KIF1A: variants seen among roughly 807,000 people sequenced by gnomAD.
The protein encoded by KIF1A is kinesin-like protein KIF1A.
In KIF1A, 46 loss-of-function variants were observed where a neutral mutation model predicts 227.3. The observed-to-expected ratio is 0.20, with a 90% CI of 0.16 to 0.26. The LOEUF is 0.26. Ranked by LOEUF, KIF1A falls within the 10% of genes least tolerant of loss-of-function variation. The pLI is 1.00. For synonymous variants in KIF1A, 1,022 were observed against 1,012.8 expected, an observed-to-expected ratio of 1.01 and a Z score of -0.17; for missense variants, 1,683 against 2,485.9, an observed-to-expected ratio of 0.68 and a Z score of 6.87.
Position 240,766,682 on chromosome 2 carries a change from G to A in KIF1A, c.1684+233C>T, listed in dbSNP as rs761550426. On this transcript the variant is annotated intron_variant, in intron 19 of 48. Transcript: ENST00000498729. This position sits in a 1 kb window ranked among gnomAD's most constrained non-coding sequence, Gnocchi z 5.0. Reference sequence around the variant, plus strand: ...CCCAAGCACCAACCTAATGGAAGTTGTTTTTAAGGCTGGCCCCAAATATCT... The same window carrying A: ...CCCAAGCACCAACCTAATGGAAGTTATTTTTAAGGCTGGCCCCAAATATCT... Among the ~76,000 whole-genome samples, 3 of 149,932 alleles carry A rather than the reference G, an allele frequency of 2.0e-5. No individual in the cohort carries two copies. The highest frequency in any genetic ancestry group is 6.7e-5 in the Admixed American group (1 of 15,004).
intron 38 of KIF1A, among the ~76,000 whole-genome samples, chr2:240,730,651 G>A (rs1278658977): frequency 6.6e-6 from 1 of 152,206 alleles, no homozygotes; most frequent in African/African-American, 2.4e-5. Context: ...ATCCCAGCAG[G>A]AGACTTGATC....
intron 2 of KIF1A, among the ~76,000 whole-genome samples, chr2:240,794,428 G>T (rs1015694603): frequency 6.6e-6 from 1 of 152,176 alleles, no homozygotes; most frequent in African/African-American, 2.4e-5. Flanking sequence ...GTGCCCATCT[G>T]CCCTTTACCC....
chr2:240,773,758 C>T (rs2052337776), intron 12 of KIF1A, among the ~76,000 whole-genome samples: 2 of 152,188 alleles, frequency 1.3e-5, no homozygotes, highest in Admixed American at 6.5e-5. Context: ...AGACCACTGA[C>T]CCAAACAACC....
At chr2:240,771,732 A>G (rs2052020696) in intron 14 of KIF1A, among the ~76,000 whole-genome samples, 2 of 152,070 alleles carry the variant, frequency 1.3e-5, no homozygotes, top group African/African-American at 4.8e-5. Context: ...GCCCACTGAC[A>G]TGGAAATTGG....
In KIF1A at chr2:240,810,481, G is replaced by A. The variant is rs141821324; in HGVS notation, c.-61+9641C>T. 5.5e-3 allele frequency among the ~76,000 whole-genome samples: 833 copies of A among 152,280 alleles called. 9 individuals are homozygous for A. The highest frequency in any genetic ancestry group is 0.019 in the African/African-American group (786 of 41,536). On this transcript the variant is annotated intron_variant, in intron 1 of 48. Transcript: ENST00000498729. ...TTTACAGCTCACCTTGGGAGTGAAC[G>A]GGTGCCACCACTTTGAAAATAACAT... is the stretch of plus-strand genomic sequence containing the variant.
rs1218554404 is a variant in KIF1A, at chr2:240,714,120, T to G, written c.*3244A>C. 3 of 152,384 alleles carry G rather than the reference T, an allele frequency of 2.0e-5. No individual in the cohort carries two copies. The highest frequency in any genetic ancestry group is 4.4e-5 in the Non-Finnish European group (3 of 68,128). 9.4% of individuals were successfully genotyped at this position (152,384 alleles called of 1,614,324 possible). A position where few individuals can be genotyped will look rare whatever the true frequency, so the allele number is the denominator to read the frequency against. On this transcript the variant is annotated 3_prime_UTR_variant, in exon 49 of 49. Transcript: ENST00000498729. ...GGTCCCCACATGGGTGAGGCTGGCATAGGACCAGTGCAGCAGCACAGTAAA... is the reference window on the plus strand; with the variant it reads ...GGTCCCCACATGGGTGAGGCTGGCAGAGGACCAGTGCAGCAGCACAGTAAA...
rs1007473869 is a variant in KIF1A at position 240,737,297 on chromosome 2, G to A, written c.3902-129C>T. On this transcript the variant is annotated intron_variant, in intron 37 of 48. Transcript: ENST00000498729. ...GGTCACTAGAGCGTCTGTCAAAGGCGGTGCCAGGGGGAACAGGGAGGCCCT... is the reference window on the plus strand; with the variant it reads ...GGTCACTAGAGCGTCTGTCAAAGGCAGTGCCAGGGGGAACAGGGAGGCCCT... 48 of 717,480 alleles carry A rather than the reference G, an allele frequency of 6.7e-5. 1 individual carries two copies. The highest frequency in any genetic ancestry group is 5.3e-4 in the South Asian group (35 of 65,570). 44.4% of individuals were successfully genotyped at this position (717,480 alleles called of 1,614,324 possible). A position where few individuals can be genotyped will look rare whatever the true frequency, so the allele number is the denominator to read the frequency against.
intron 6 of KIF1A, among the ~76,000 whole-genome samples, chr2:240,785,361 C>T (rs80235021): frequency 9.8e-4 from 150 of 152,348 alleles, no homozygotes; most frequent in African/African-American, 3.4e-3. Context: ...GCTTCCCACT[C>T]CTGGGCACAG....
intron 38 of KIF1A, among the ~76,000 whole-genome samples, chr2:240,731,537 C>T (rs570242670): frequency 1.4e-4 from 22 of 152,334 alleles, no homozygotes; most frequent in African/African-American, 4.8e-4. Context: ...CACCAGACAG[C>T]GTGGCCCTGG....
chr2:240,717,227 G>T lies in KIF1A; in HGVS notation c.*137C>A. Reference sequence around the variant, plus strand: ...TCGTGTGGCACAGGTCCCCGGGCCTGGCATGGGCGTCCCCTGGGGGGTCGA... The same window carrying T: ...TCGTGTGGCACAGGTCCCCGGGCCTTGCATGGGCGTCCCCTGGGGGGTCGA... On this transcript the variant is annotated 3_prime_UTR_variant, in exon 49 of 49. Transcript: ENST00000498729. The T allele has an allele frequency of 1.3e-6, 1 of 754,270 alleles. No individual in the cohort carries two copies. Among genetic ancestry groups the T allele is most frequent in the Non-Finnish European group, 2.2e-6 (1 of 452,742 alleles). The allele number at this position is 754,270 out of a possible 1,614,324, so 46.7% of individuals were successfully genotyped here.
Position 240,782,596 on chromosome 2 carries a change from G to C in KIF1A, c.876C>G (p.Pro292=). The change falls in exon 10 of 49, where the codon CCC becomes CCG. Residue 292 remains proline, a synonymous_variant. Transcript: ENST00000498729. ...ISALAEMDSG[P]NKNKKKKKTD... ...GCTGAAGGAAGCCGCTTACCTTGTT[G>C]GGTCCGGAGTCCTGAAAAGGAAAAG... 1.3e-6 allele frequency: 2 copies of C among 1,552,576 alleles called. No homozygotes were observed. Among genetic ancestry groups the C allele is most frequent in the Middle Eastern group, 1.7e-4 (1 of 5,964 alleles).
Position 240,758,933 on chromosome 2 carries a change from C to T in KIF1A, c.2445-436G>A, listed in dbSNP as rs2050180677. Among the ~76,000 whole-genome samples the T allele has an allele frequency of 6.6e-6, 1 of 152,156 alleles. No homozygotes were observed. The highest frequency in any genetic ancestry group is 1.5e-5 in the Non-Finnish European group (1 of 68,034). ...GGACACAGAAGACAGAGAAAATAGC[C>T]TACAAATTATTATTCCCAAGAAAAA... On this transcript the variant is annotated intron_variant, in intron 25 of 48. Transcript: ENST00000498729. This position sits in a 1 kb window ranked among gnomAD's most constrained non-coding sequence, Gnocchi z 5.2.
chr2:240,718,062 G>A lies in KIF1A; in HGVS notation c.5321C>T (p.Ala1774Val). ...DWLYAFNPLL[A>V]GTIRSKLSRR... ...CAGGCGGCCCTACCGTATGGTCCCG[G>A]CCAGGAGGGGGTTGAAGGCGTACAG... The change falls in exon 48 of 49, where the codon GCC becomes GTC. Residue 1774 changes from alanine to valine, a missense_variant. Around this residue, in one of 12 missense-constraint regions of KIF1A, gnomAD observed 384 missense variants for 410.1 expected, o/e 0.94. Transcript: ENST00000498729. The A allele has an allele frequency of 6.2e-7, 1 of 1,608,614 alleles. No homozygotes were observed. The highest frequency in any genetic ancestry group is 8.5e-7 in the Non-Finnish European group (1 of 1,177,788).
At chr2:240,755,133 AAC>A (rs1426411481) in intron 27 of KIF1A, among the ~76,000 whole-genome samples, 9 of 152,200 alleles carry the variant, frequency 5.9e-5, no homozygotes, top group African/African-American at 2.2e-4. Context: ...AGTGGTCACC[AAC>A]CCACCTGCCT....
Position 240,786,918 on chromosome 2 carries a change from C to T in KIF1A, c.429+333G>A, listed in dbSNP as rs576776316. Among the ~76,000 whole-genome samples, 9 of 150,294 alleles carry T rather than the reference C, an allele frequency of 6.0e-5. No individual in the cohort carries two copies. In the South Asian group the frequency reaches 6.3e-4, roughly 11 times the overall value. The stretch of plus-strand genomic sequence containing the variant: ...GGTGTCAATGTGGCCTCCCTCACCA[C>T]GGCCATCCTGGGCTCTAGGACACAC... On this transcript the variant is annotated intron_variant, in intron 5 of 48. Transcript: ENST00000498729.
intron 46 of KIF1A, 72 bp downstream of exon 46, chr2:240,719,702 G>C: frequency 1.4e-6 from 2 of 1,427,226 alleles, no homozygotes; most frequent in Non-Finnish European, 9.2e-7. Flanking sequence ...CCAGTATGGG[G>C]AGCAGGGTGG....
chr2:240,724,154 G>A, intron 40 of KIF1A, 118 bp from the exon 41 acceptor site: 1 of 842,022 alleles, frequency 1.2e-6, no homozygotes, highest in Admixed American at 1.8e-5. Flanking sequence ...CTGGGGTGAT[G>A]GGGTGTTGAG....
intron 17 of KIF1A, among the ~76,000 whole-genome samples, chr2:240,768,867 G>C (rs1356706089): frequency 6.6e-6 from 1 of 152,122 alleles, no homozygotes; most frequent in African/African-American, 2.4e-5. Context: ...CTCTGACCTT[G>C]GAGAGCCCAG....
Position 240,789,396 on chromosome 2 carries a change from G to T in KIF1A, c.107-84C>A. On this transcript the variant is annotated intron_variant, in intron 2 of 48. Transcript: ENST00000498729. This position sits in a 1 kb window ranked among gnomAD's most constrained non-coding sequence, Gnocchi z 4.8. ...ATCTACACTCCAAGGTGGGGAGATG[G>T]TCTTAAGAGGCCTCGGGCCCCAGAC... The T allele has an allele frequency of 1.7e-6, 2 of 1,156,052 alleles. No homozygotes were observed. The highest frequency in any genetic ancestry group is 2.5e-5 in the South Asian group (2 of 79,812). The allele number at this position is 1,156,052 out of a possible 1,614,324, so 71.6% of individuals were successfully genotyped here.
Sources: gnomAD v4.1 joint callset for allele counts (sites outside exome capture counted in the v4.1 genomes callset) on GRCh38, gnomAD v4.1.1 for gene constraint, gnomAD v4.1.1 regional missense constraint, Gnocchi (gnomAD v3.1) non-coding constraint, MANE v1.5 for transcripts, NCBI Gene and HGNC (gene_info 2026-07-23, HGNC 2026-07-21) for gene names.